The following CCDC3 variants were observed in gnomAD, a reference collection of about 807,000 sequenced individuals.
CCDC3 encodes the protein coiled-coil domain containing 3.
In CCDC3, 24 loss-of-function variants were observed where a neutral mutation model predicts 21.4. The ratio of observed to expected loss-of-function variants is 1.12; its 90% CI spans 0.81 to 1.58. CCDC3 has a LOEUF of 1.58. Among genes scored for constraint, CCDC3 ranks in the 40% most tolerant of loss-of-function variants. The pLI is 0.00. For missense variants in CCDC3, 425 were observed against 360.9 expected, an observed-to-expected ratio of 1.18 and a Z score of -1.44; for synonymous variants, 186 against 166.0, an observed-to-expected ratio of 1.12 and a Z score of -0.93.
intron 2 of CCDC3, among the ~76,000 whole-genome samples, chr10:12,980,074 G>C (rs59141413): frequency 6.6e-6 from 1 of 152,142 alleles, no homozygotes; most frequent in African/African-American, 2.4e-5. Flanking sequence ...GAAAGGGTTC[G>C]ACTAGGCAAT....
intron 2 of CCDC3, among the ~76,000 whole-genome samples, chr10:12,951,587 C>A (rs980574499): frequency 4.3e-4 from 65 of 152,028 alleles, no homozygotes; most frequent in African/African-American, 1.5e-3. Flanking sequence ...GGGTGGATCA[C>A]AAGGTCAGGA....
intron 5 of CCDC3, among the ~76,000 whole-genome samples, chr10:13,040,687 T>TCACACACACACACACACACACA (rs10653974): frequency 2.1e-5 from 3 of 142,752 alleles, no homozygotes; most frequent in African/African-American, 7.9e-5. Flanking sequence ...CAAAACTCTG[T>TCACACACACACACACACACACA]CACACACACA....
At chr10:12,998,199 GGA>G in intron 2 of CCDC3, 137 bp downstream of exon 2, 60 of 828,400 alleles carry the variant, frequency 7.2e-5, no homozygotes, top group South Asian at 2.1e-4. Flanking sequence ...AGGGATAGCA[GGA>G]GAGAGAGAGG....
intron 5 of CCDC3, among the ~76,000 whole-genome samples, chr10:13,019,095 G>C (rs533879136): frequency 6.6e-6 from 1 of 152,114 alleles, no homozygotes; most frequent in Non-Finnish European, 1.5e-5. Context: ...TTAGCCGGGC[G>C]TGGTGGCAGG....
chr10:12,955,054 C>T (rs1835062641), intron 2 of CCDC3, among the ~76,000 whole-genome samples: 1 of 152,080 alleles, frequency 6.6e-6, no homozygotes, highest in African/African-American at 2.4e-5. Flanking sequence ...TCACACACCA[C>T]CCACAAGAAC....
intron 2 of CCDC3, among the ~76,000 whole-genome samples, chr10:12,960,470 GC>G (rs1315792117): frequency 1.3e-5 from 2 of 152,116 alleles, no homozygotes; most frequent in African/African-American, 4.8e-5. Context: ...CTGCCTGTTG[GC>G]CACAGAAAGC....
At chr10:13,002,469 C>T (rs1835871853), upstream of CCDC3, among the ~76,000 whole-genome samples, 1 of 152,134 alleles carries the variant, frequency 6.6e-6, no homozygotes, top group Admixed American at 6.5e-5. Context: ...CTCACTGCAG[C>T]CTCGACCTCC....
intron 5 of CCDC3, among the ~76,000 whole-genome samples, chr10:13,037,927 C>T (rs1418381525): frequency 6.6e-6 from 1 of 152,144 alleles, no homozygotes; most frequent in Non-Finnish European, 1.5e-5. Flanking sequence ...GCTGGTTCCA[C>T]AGTGGAGGAG....
intron 2 of CCDC3, among the ~76,000 whole-genome samples, chr10:12,927,684 C>G (rs1306294409): frequency 6.6e-6 from 1 of 152,156 alleles, no homozygotes; most frequent in African/African-American, 2.4e-5. Context: ...AGTGAATTCT[C>G]TAATACACAC....
chr10:12,998,424 A>G lies in CCDC3; in HGVS notation c.463T>C (p.Ser155Pro), dbSNP rs1835796201. 6.2e-7 allele frequency: 1 copy of G among 1,613,672 alleles called. No individual in the cohort carries two copies. The change falls in exon 2 of 3, where the codon TCT (serine) becomes CCT (proline). Residue 155 changes from serine to proline, a missense_variant. Ser to Pro is a moderately conservative substitution (Grantham distance 74). Transcript: ENST00000378825. ...CAGTTTGAAAACTGGAAAAGGCTAGAAAACATCCTTCTGTTCTCTTGAGTG... is the reference window on the plus strand; with the variant it reads ...CAGTTTGAAAACTGGAAAAGGCTAGGAAACATCCTTCTGTTCTCTTGAGTG... ...PDTQENRRMF[S>P]SLFQFSNCSQ...
intron 3 of CCDC3, among the ~76,000 whole-genome samples, chr10:13,077,016 C>T (rs927973441): frequency 3.3e-5 from 5 of 152,162 alleles, no homozygotes; most frequent in Non-Finnish European, 5.9e-5. Flanking sequence ...CCAGGGCAAT[C>T]AGGCAGGAGA....
intron 5 of CCDC3, among the ~76,000 whole-genome samples, chr10:13,014,666 A>T (rs569064849): frequency 2.0e-5 from 3 of 152,010 alleles, no homozygotes; most frequent in Admixed American, 6.6e-5. Context: ...AATACACACT[A>T]AAGTATTTGC....
At chr10:12,921,678 C>G (rs1834452639) in intron 2 of CCDC3, among the ~76,000 whole-genome samples, 1 of 152,202 alleles carries the variant, frequency 6.6e-6, no homozygotes, top group Admixed American at 6.5e-5. Flanking sequence ...TCTTGCACAA[C>G]TATAATTTTT....
chr10:12,913,514 A>T (rs1040500680), intron 2 of CCDC3, among the ~76,000 whole-genome samples: 6 of 152,250 alleles, frequency 3.9e-5, no homozygotes, highest in African/African-American at 1.2e-4. Context: ...GTGTAAGATC[A>T]TGCCATTGCA....
chr10:12,926,832 G>A (rs1311800165), intron 2 of CCDC3, among the ~76,000 whole-genome samples: 1 of 152,090 alleles, frequency 6.6e-6, no homozygotes, highest in Non-Finnish European at 1.5e-5. Context: ...AGTATTACTA[G>A]AGATAACAGG....
At chr10:12,929,640 C>A (rs988977326) in intron 2 of CCDC3, among the ~76,000 whole-genome samples, 1 of 152,226 alleles carries the variant, frequency 6.6e-6, no homozygotes, top group Non-Finnish European at 1.5e-5. Context: ...TCTCCAGTGA[C>A]CCCCTCACCT....
At chr10:12,930,011 G>A (rs1056274375) in intron 2 of CCDC3, among the ~76,000 whole-genome samples, 1 of 152,162 alleles carries the variant, frequency 6.6e-6, no homozygotes, top group East Asian at 1.9e-4. Flanking sequence ...TAGATTAATA[G>A]TTGTATTTTA....
At chr10:13,025,791 G>T (rs1836206203) in intron 5 of CCDC3, among the ~76,000 whole-genome samples, 1 of 152,174 alleles carries the variant, frequency 6.6e-6, no homozygotes, top group African/African-American at 2.4e-5. Flanking sequence ...CAGAAAAGGA[G>T]TAAGACACAA....
chr10:12,994,402 AC>A (rs1281563601), intron 2 of CCDC3, among the ~76,000 whole-genome samples: 4,207 of 133,758 alleles, frequency 0.031, 251 homozygotes, highest in African/African-American at 0.11. Context: ...CGTCTCAAAA[AC>A]AAAACAAAAC....
Sources: gnomAD v4.1 joint callset for allele counts (sites outside exome capture counted in the v4.1 genomes callset) on GRCh38, gnomAD v4.1.1 for gene constraint, MANE v1.5 for transcripts, NCBI Gene and HGNC (gene_info 2026-07-23, HGNC 2026-07-21) for gene names.